HHAT: variants seen among roughly 807,000 people sequenced by gnomAD.
HHAT encodes hedgehog acyltransferase.
Under a neutral mutation model 70.8 loss-of-function variants are expected in HHAT, and 47 were observed. The ratio of observed to expected loss-of-function variants is 0.66; its 90% CI spans 0.53 to 0.85. The LOEUF (loss-of-function observed/expected upper bound fraction) is 0.85, where lower values mean the gene tolerates loss of function less well. Ranked by LOEUF, HHAT falls within the 40% of genes least tolerant of loss-of-function variation. The probability of loss-of-function intolerance (pLI) is 0.00; values close to 1 mark genes in which losing one functional copy is unlikely to be tolerated. For synonymous variants in HHAT, 228 were observed against 247.6 expected, an observed-to-expected ratio of 0.92 and a Z score of 0.74; for missense variants, 609 against 604.8, an observed-to-expected ratio of 1.01 and a Z score of -0.07.
intron 9 of HHAT, among the ~76,000 whole-genome samples, chr1:210,515,925 C>G (rs1174450451): frequency 6.6e-6 from 1 of 151,900 alleles, no homozygotes; most frequent in African/African-American, 2.4e-5. Flanking sequence ...CAAAAATTAG[C>G]CAGGCGTGGT....
rs188085253 is a variant in HHAT, at chr1:210,533,254, G to A, written c.1043+20066G>A. Among the ~76,000 whole-genome samples the A allele has an allele frequency of 7.3e-4, 110 of 151,714 alleles. 2 individuals are homozygous for A. In the East Asian group the frequency reaches 9.9e-3, roughly 14 times the overall value. On this transcript the variant is annotated intron_variant, in intron 9 of 11. Transcript: ENST00000261458. Reference sequence around the variant, plus strand: ...GTGAATGGCACAGAAAAGCTGGCTCGTTTGTTGGTAGCTCTGCTGTTTTAG... The same window carrying A: ...GTGAATGGCACAGAAAAGCTGGCTCATTTGTTGGTAGCTCTGCTGTTTTAG...
At chr1:210,334,178 A>T (rs60674520) in intron 1 of HHAT, among the ~76,000 whole-genome samples, 1,167 of 99,900 alleles carry the variant, frequency 0.012, 26 homozygotes, top group African/African-American at 0.029. Flanking sequence ...TTAGCGTGTC[A>T]TTTTTTTTTT....
At chr1:210,421,206 G>T (rs2092892450) in intron 7 of HHAT, among the ~76,000 whole-genome samples, 1 of 151,728 alleles carries the variant, frequency 6.6e-6, no homozygotes, top group Non-Finnish European at 1.5e-5. Context: ...AACAAAGCTG[G>T]AGTCAGAACA....
chr1:210,487,889 C>T (rs1000551002), intron 8 of HHAT, among the ~76,000 whole-genome samples: 1 of 152,124 alleles, frequency 6.6e-6, no homozygotes, highest in African/African-American at 2.4e-5. Context: ...CCAAGGCAAC[C>T]TTTATTCACC....
At chr1:210,401,439 T>A (rs1411098576) in intron 5 of HHAT, among the ~76,000 whole-genome samples, 1 of 152,158 alleles carries the variant, frequency 6.6e-6, no homozygotes, top group South Asian at 2.1e-4. Context: ...TATCTACTCA[T>A]GTGACCCAGT....
chr1:210,597,856 A>T (rs1663348432), intron 10 of HHAT, among the ~76,000 whole-genome samples: 1 of 151,046 alleles, frequency 6.6e-6, no homozygotes, highest in Admixed American at 6.6e-5. Context: ...TGCAAAACAA[A>T]GTCCTCTTTC....
rs59554789 is a variant in HHAT, at chr1:210,394,229, C to CTTTTTTT, written c.274-6210_274-6204dup. On this transcript the variant is annotated intron_variant, in intron 4 of 11. Coordinates refer to ENST00000261458, the MANE Select transcript of HHAT (RefSeq NM_018194.6). ...TTTTATTTTCAAAAGCATGATCTAT[C>CTTTTTTT]TTTTTTTTTTTTTTTTTTTTTTTTT... is the stretch of plus-strand genomic sequence containing the variant. 7.3e-4 allele frequency among the ~76,000 whole-genome samples: 85 copies of CTTTTTTT among 116,280 alleles called. 4 individuals carry two copies. Among genetic ancestry groups the CTTTTTTT allele is most frequent in the East Asian group, 4.6e-3 (11 of 2,400 alleles). The allele number at this position is 116,280 out of a possible 152,430, so 76.3% of individuals were successfully genotyped here.
In HHAT at chr1:210,551,734, T is replaced by C. The variant is rs1022183324; in HGVS notation, c.1044-36164T>C. Among the ~76,000 whole-genome samples, 8 of 152,350 alleles carry C rather than the reference T, an allele frequency of 5.3e-5. 1 individual carries two copies. In the South Asian group the frequency reaches 8.3e-4, roughly 16 times the overall value. On this transcript the variant is annotated intron_variant, in intron 9 of 11. Coordinates refer to ENST00000261458, the MANE Select transcript of HHAT (RefSeq NM_018194.6). Reference sequence around the variant, plus strand: ...TTATTGAAGGGAAAACAAATTGGATTATCAGCTCCCAGCCTGCTTTGGTAA... The same window carrying C: ...TTATTGAAGGGAAAACAAATTGGATCATCAGCTCCCAGCCTGCTTTGGTAA...
At chr1:210,392,365 G>T (rs1266239061) in intron 4 of HHAT, among the ~76,000 whole-genome samples, 1 of 152,070 alleles carries the variant, frequency 6.6e-6, no homozygotes, top group Non-Finnish European at 1.5e-5. Flanking sequence ...CTCCTTGTTT[G>T]CTTCCTGTAG....
intron 3 of HHAT, among the ~76,000 whole-genome samples, chr1:210,376,119 C>T (rs1211564240): frequency 6.6e-6 from 1 of 151,170 alleles, no homozygotes; most frequent in Non-Finnish European, 1.5e-5. Flanking sequence ...CCTGCCTCGG[C>T]CTCCCAAAGT....
At chr1:210,388,461 T>C (rs1056529307) in intron 4 of HHAT, among the ~76,000 whole-genome samples, 14 of 152,182 alleles carry the variant, frequency 9.2e-5, no homozygotes, top group African/African-American at 3.4e-4. Context: ...TCTGACTCTT[T>C]CCTGAAAATT....
chr1:210,479,141 T>G (rs2094351999), intron 8 of HHAT, among the ~76,000 whole-genome samples: 1 of 152,210 alleles, frequency 6.6e-6, no homozygotes, highest in Non-Finnish European at 1.5e-5. Flanking sequence ...CCCAGATTAT[T>G]CTGTAACTTC....
chr1:210,374,335 A>G (rs1303218160), intron 3 of HHAT: 1 of 152,250 alleles, frequency 6.6e-6, no homozygotes, highest in Admixed American at 6.5e-5. Context: ...TGGTGCCTAC[A>G]GTTCGCACAA....
intron 8 of HHAT, among the ~76,000 whole-genome samples, chr1:210,490,272 A>G (rs1241253969): frequency 2.0e-5 from 3 of 152,194 alleles, no homozygotes; most frequent in Non-Finnish European, 4.4e-5. Context: ...TAAATCAGGG[A>G]ATAACTCTGG....
At chr1:210,341,886 C>T (rs1469156564) in intron 1 of HHAT, among the ~76,000 whole-genome samples, 1 of 152,026 alleles carries the variant, frequency 6.6e-6, no homozygotes. Flanking sequence ...AGTCTGAATT[C>T]CTTCCCTCTG....
Position 210,366,797 on chromosome 1 carries a change from C to T in HHAT, c.159+3878C>T, listed in dbSNP as rs191053352. Among the ~76,000 whole-genome samples, 34 of 152,316 alleles carry T rather than the reference C, an allele frequency of 2.2e-4. No homozygotes were observed. In the East Asian group the frequency reaches 6.2e-3, roughly 28 times the overall value. On this transcript the variant is annotated intron_variant, in intron 3 of 11. Coordinates refer to ENST00000261458, the MANE Select transcript of HHAT (RefSeq NM_018194.6). ...ATTTGCCATTCTTACCTTTACTCAT[C>T]CTGTTCCTCTTCTGGATTGGGGCTC...
At chr1:210,433,754 G>C (rs1393136476) in intron 7 of HHAT, among the ~76,000 whole-genome samples, 1 of 151,910 alleles carries the variant, frequency 6.6e-6, no homozygotes, top group Non-Finnish European at 1.5e-5. Flanking sequence ...TCAGGGTGAT[G>C]TTGATGATGA....
chr1:210,662,940 C>G (rs948347488), intron 11 of HHAT, among the ~76,000 whole-genome samples: 1 of 152,118 alleles, frequency 6.6e-6, no homozygotes, highest in African/African-American at 2.4e-5. Context: ...CACTCAGCTC[C>G]TAGCAAGGAT....
Position 210,330,105 on chromosome 1 carries a change from C to A in HHAT, c.-44+1001C>A, listed in dbSNP as rs569546812. On this transcript the variant is annotated intron_variant, in intron 1 of 11. Coordinates refer to ENST00000261458, the MANE Select transcript of HHAT (RefSeq NM_018194.6). Reference sequence around the variant, plus strand: ...AATGTGATTAAGTGCTATGGGAATGCAAGGAGAGGAGAGGGAAGGCTTCAT... The same window carrying A: ...AATGTGATTAAGTGCTATGGGAATGAAAGGAGAGGAGAGGGAAGGCTTCAT... Among the ~76,000 whole-genome samples, 13 of 152,282 alleles carry A rather than the reference C, an allele frequency of 8.5e-5. No homozygotes were observed. In the East Asian group the frequency reaches 2.3e-3, roughly 27 times the overall value.
Sources: gnomAD v4.1 joint callset for allele counts (sites outside exome capture counted in the v4.1 genomes callset) on GRCh38, gnomAD v4.1.1 for gene constraint, MANE v1.5 for transcripts, NCBI Gene and HGNC (gene_info 2026-07-23, HGNC 2026-07-21) for gene names.